Variants in C7orf78 observed in about 807,000 individuals in gnomAD.
C7orf78 encodes putative uncharacterized protein C7orf78.
chr7:12,494,292 A>G, the C7orf78 span, among the ~76,000 whole-genome samples: 335 of 152,340 alleles, frequency 2.2e-3, 2 homozygotes, highest in African/African-American at 7.8e-3. Context: ...TGTGGTGTAC[A>G]TGGTGCATGA....
the C7orf78 span, among the ~76,000 whole-genome samples, chr7:12,505,776 A>G: frequency 6.6e-6 from 1 of 152,106 alleles, no homozygotes; most frequent in Non-Finnish European, 1.5e-5. Context: ...ACTATGGTGC[A>G]CTATTTCATT....
chr7:12,496,335 G>C, the C7orf78 span: 39 of 152,312 alleles, frequency 2.6e-4, no homozygotes, highest in Non-Finnish European at 4.6e-4. Context: ...TATAATTGAA[G>C]TCAGTTGGCC....
the C7orf78 span, among the ~76,000 whole-genome samples, chr7:12,524,467 T>C: frequency 6.6e-6 from 1 of 152,192 alleles, no homozygotes; most frequent in Admixed American, 6.5e-5. Flanking sequence ...GTCATGTAAA[T>C]ATTTCCATTC....
At chr7:12,537,444 T>C in the C7orf78 span, among the ~76,000 whole-genome samples, 110 of 152,198 alleles carry the variant, frequency 7.2e-4, no homozygotes, top group Non-Finnish European at 7.4e-4. Flanking sequence ...AAGATGAGAT[T>C]TGGGTGGGGA....
the C7orf78 span, among the ~76,000 whole-genome samples, chr7:12,535,842 C>G: frequency 6.6e-6 from 1 of 152,184 alleles, no homozygotes; most frequent in Admixed American, 6.5e-5. Context: ...GCAGTCAAAC[C>G]TTAAAGCTTC....
chr7:12,513,307 C>T, the C7orf78 span, among the ~76,000 whole-genome samples: 1 of 150,974 alleles, frequency 6.6e-6, no homozygotes, highest in African/African-American at 2.4e-5. Context: ...CAGGTACAGC[C>T]TTAAGTTGTT....
At chr7:12,521,876 T>C in the C7orf78 span, among the ~76,000 whole-genome samples, 1 of 152,084 alleles carries the variant, frequency 6.6e-6, no homozygotes, top group East Asian at 1.9e-4. Context: ...ATATCATTTT[T>C]CACTGTCTCC....
chr7:12,526,612 G>A, the C7orf78 span, among the ~76,000 whole-genome samples: 1 of 152,066 alleles, frequency 6.6e-6, no homozygotes, highest in African/African-American at 2.4e-5. Context: ...GTAAAACTAA[G>A]ATAATTTATT....
At chr7:12,483,657 C>CA in the C7orf78 span, 4 of 147,150 alleles carry the variant, frequency 2.7e-5, no homozygotes, top group African/African-American at 1.0e-4. Flanking sequence ...ATCATGAGGT[C>CA]AGCAGTTCGA....
chr7:12,526,454 G>T, the C7orf78 span, among the ~76,000 whole-genome samples: 1 of 152,020 alleles, frequency 6.6e-6, no homozygotes, highest in Non-Finnish European at 1.5e-5. Flanking sequence ...TGGATTAGGA[G>T]GGACAATATC....
At chr7:12,527,516 T>G in the C7orf78 span, among the ~76,000 whole-genome samples, 1 of 95,716 alleles carries the variant, frequency 1.0e-5, no homozygotes, top group Non-Finnish European at 2.0e-5. Flanking sequence ...ATGCTGTGTG[T>G]CACTCACTTT....
chr7:12,500,430 C>T, the C7orf78 span, among the ~76,000 whole-genome samples: 1 of 150,010 alleles, frequency 6.7e-6, no homozygotes, highest in East Asian at 2.0e-4. Flanking sequence ...TACAAACTAC[C>T]ATCAGAGAAT....
At chr7:12,531,842 G>A in the C7orf78 span, among the ~76,000 whole-genome samples, 2 of 152,164 alleles carry the variant, frequency 1.3e-5, no homozygotes, top group African/African-American at 2.4e-5. Flanking sequence ...AAGGAGAAAG[G>A]AGAGCAGCTC....
At chr7:12,510,311 A>T in the C7orf78 span, among the ~76,000 whole-genome samples, 2 of 152,056 alleles carry the variant, frequency 1.3e-5, no homozygotes, top group Non-Finnish European at 2.9e-5. Context: ...CAGCCTCCCA[A>T]GTAGCTGGGG....
At chr7:12,513,974 T>C in the C7orf78 span, among the ~76,000 whole-genome samples, 2 of 152,010 alleles carry the variant, frequency 1.3e-5, no homozygotes, top group African/African-American at 2.4e-5. Context: ...CACTCCAGCC[T>C]GGGCAACAGA....
At chr7:12,520,184 C>G in the C7orf78 span, among the ~76,000 whole-genome samples, 75,576 of 152,042 alleles carry the variant, frequency 0.5, 19,049 homozygotes, top group Admixed American at 0.57. Flanking sequence ...TCTTCCCCTT[C>G]TGTGTCTCAG....
the C7orf78 span, chr7:12,491,080 T>C: frequency 6.6e-6 from 1 of 152,160 alleles, no homozygotes; most frequent in Non-Finnish European, 1.5e-5. Context: ...CTAAGACTTG[T>C]CTTACTTAGA....
the C7orf78 span, among the ~76,000 whole-genome samples, chr7:12,534,140 C>T: frequency 2.6e-5 from 4 of 152,168 alleles, no homozygotes; most frequent in African/African-American, 9.7e-5. Context: ...TCCCTCCCCT[C>T]AGCTTGAGAA....
At chr7:12,531,437 G>C in the C7orf78 span, among the ~76,000 whole-genome samples, 1 of 152,146 alleles carries the variant, frequency 6.6e-6, no homozygotes, top group Non-Finnish European at 1.5e-5. Flanking sequence ...TTGGTGAAAT[G>C]AATTCAAATT....
Sources: gnomAD v4.1 joint callset for allele counts (sites outside exome capture counted in the v4.1 genomes callset) on GRCh38, gnomAD v4.1.1 for gene constraint, MANE v1.5 for transcripts, NCBI Gene and HGNC (gene_info 2026-07-23, HGNC 2026-07-21) for gene names.